Variants in CACNA1C observed in about 807,000 individuals in gnomAD.
CACNA1C encodes the protein voltage-dependent L-type calcium channel subunit alpha-1C.
In CACNA1C, 30 loss-of-function variants were observed where a neutral mutation model predicts 229.0. The observed-to-expected ratio is 0.13, with a 90% CI of 0.10 to 0.18. The LOEUF (loss-of-function observed/expected upper bound fraction) is 0.18, where lower values mean the gene tolerates loss of function less well. Ranked by LOEUF, CACNA1C falls within the 10% of genes least tolerant of loss-of-function variation. CACNA1C has a pLI of 1.00. For synonymous variants in CACNA1C, 1,114 were observed against 1,132.5 expected (o/e 0.98, Z 0.33); for missense variants, 1,658 against 2,845.0 (o/e 0.58, Z 9.49).
chr12:2,451,538 A>G (rs1342202591), intron 4 of CACNA1C, among the ~76,000 whole-genome samples: 1 of 152,204 alleles, frequency 6.6e-6, no homozygotes, highest in Non-Finnish European at 1.5e-5. Context: ...TCGGGGGAGC[A>G]GAGACAAGAA....
chr12:2,528,158 C>T (rs529219022), intron 9 of CACNA1C, among the ~76,000 whole-genome samples: 2 of 152,280 alleles, frequency 1.3e-5, no homozygotes, highest in South Asian at 4.2e-4. Flanking sequence ...TATACAGGAA[C>T]TAACAGGAGC....
intron 3 of CACNA1C, among the ~76,000 whole-genome samples, chr12:2,307,781 G>A (rs181274482): frequency 6.6e-6 from 1 of 152,318 alleles, no homozygotes; most frequent in African/African-American, 2.4e-5. Context: ...TATTGCTTAA[G>A]CCCACTTACA....
Position 2,261,689 on chromosome 12 carries a change from A to T in CACNA1C, c.477+141259A>T, listed in dbSNP as rs151067925. Reference sequence around the variant, plus strand: ...AGCACTATTTACTAGGAGATATAGCATCAGAGGTGGTTTTCTATACATATA... The same window carrying T: ...AGCACTATTTACTAGGAGATATAGCTTCAGAGGTGGTTTTCTATACATATA... On this transcript the variant is annotated intron_variant, in intron 3 of 46. Coordinates refer to ENST00000399655, the MANE Select transcript of CACNA1C (RefSeq NM_000719.7). Among the ~76,000 whole-genome samples, 376 of 152,322 alleles carry T rather than the reference A, an allele frequency of 2.5e-3. 3 individuals are homozygous for T. Among genetic ancestry groups the T allele is most frequent in the African/African-American group, 8.4e-3 (349 of 41,564 alleles).
intron 3 of CACNA1C, among the ~76,000 whole-genome samples, chr12:2,441,795 C>T (rs2099230051): frequency 6.6e-6 from 1 of 152,206 alleles, no homozygotes; most frequent in South Asian, 2.1e-4. Flanking sequence ...TGTGTATTCT[C>T]TGTCCACACT....
chr12:2,512,404 A>G lies in CACNA1C; in HGVS notation c.1218-408A>G, dbSNP rs750890117. On this transcript the variant is annotated intron_variant, in intron 8 of 46. Transcript: ENST00000399655. This position sits in a 1 kb window ranked among gnomAD's most constrained non-coding sequence, Gnocchi z 4.3. ...TGGGAGAATTTTAAACTACCACTCAATACTGGGTGGGATGGAAATGCATGT... is the reference window on the plus strand; with the variant it reads ...TGGGAGAATTTTAAACTACCACTCAGTACTGGGTGGGATGGAAATGCATGT... Among the ~76,000 whole-genome samples, 6 of 152,154 alleles carry G rather than the reference A, an allele frequency of 3.9e-5. No homozygotes were observed. The highest frequency in any genetic ancestry group is 8.8e-5 in the Non-Finnish European group (6 of 68,024).
chr12:2,292,114 T>A (rs906397566), intron 3 of CACNA1C, among the ~76,000 whole-genome samples: 2 of 152,224 alleles, frequency 1.3e-5, no homozygotes, highest in African/African-American at 4.8e-5. Flanking sequence ...CATGAAGCAC[T>A]ACTAAGTGCC....
intron 3 of CACNA1C, among the ~76,000 whole-genome samples, chr12:2,323,370 T>C (rs530083061): frequency 6.6e-6 from 1 of 152,298 alleles, no homozygotes; most frequent in South Asian, 2.1e-4. Context: ...CTAGATATGC[T>C]GGGGTTCACT....
intron 3 of CACNA1C, among the ~76,000 whole-genome samples, chr12:2,194,747 C>T (rs1289068856): frequency 6.6e-6 from 1 of 152,160 alleles, no homozygotes; most frequent in Admixed American, 6.5e-5. Flanking sequence ...AGGAACGTTT[C>T]TCCCCAAAGT....
At chr12:2,615,869 G>A (rs2080254050) in intron 29 of CACNA1C, among the ~76,000 whole-genome samples, 1 of 152,226 alleles carries the variant, frequency 6.6e-6, no homozygotes, top group Non-Finnish European at 1.5e-5. Context: ...TGCGCTCCAA[G>A]CTTCTCCTCC....
At chr12:2,621,674 G>C (rs945176998) in intron 29 of CACNA1C, among the ~76,000 whole-genome samples, 4 of 152,192 alleles carry the variant, frequency 2.6e-5, no homozygotes, top group East Asian at 1.9e-4. Flanking sequence ...ATGGAGCGAG[G>C]GGGGCAGAGT....
intron 9 of CACNA1C, among the ~76,000 whole-genome samples, chr12:2,538,106 C>A (rs1251681404): frequency 6.6e-6 from 1 of 152,140 alleles, no homozygotes; most frequent in Non-Finnish European, 1.5e-5. Context: ...ATCACAGTAA[C>A]CCTGGCTTTC....
At chr12:2,069,622 C>T (rs531066615) in intron 1 of CACNA1C, among the ~76,000 whole-genome samples, 3 of 152,130 alleles carry the variant, frequency 2.0e-5, no homozygotes, top group Non-Finnish European at 4.4e-5. Context: ...TTAATTTTCC[C>T]ATGTCTAGGA....
At chr12:2,291,425 T>G (rs2093492154) in intron 3 of CACNA1C, among the ~76,000 whole-genome samples, 1 of 152,218 alleles carries the variant, frequency 6.6e-6, no homozygotes, top group Non-Finnish European at 1.5e-5. Context: ...CTTTCTCGAC[T>G]GCTCTTTGGT....
At chr12:2,064,921 G>T (rs1012216429) in intron 1 of CACNA1C, among the ~76,000 whole-genome samples, 1 of 152,200 alleles carries the variant, frequency 6.6e-6, no homozygotes, top group Non-Finnish European at 1.5e-5. Context: ...AGAGACCTGG[G>T]TATGGATAAA....
chr12:2,440,504 C>T (rs976962757), intron 3 of CACNA1C, among the ~76,000 whole-genome samples: 11 of 146,000 alleles, frequency 7.5e-5, no homozygotes, highest in South Asian at 2.2e-4. Context: ...GGAAGGAAGG[C>T]TTCTTCATGG....
chr12:2,278,165 A>G (rs1321844708), intron 3 of CACNA1C, among the ~76,000 whole-genome samples: 3 of 152,256 alleles, frequency 2.0e-5, no homozygotes, highest in African/African-American at 4.8e-5. Context: ...CATATCTGCC[A>G]TTTATTTTTA....
chr12:2,591,598 C>T (rs1181928185), intron 18 of CACNA1C, among the ~76,000 whole-genome samples: 1 of 152,102 alleles, frequency 6.6e-6, no homozygotes, highest in Non-Finnish European at 1.5e-5. Flanking sequence ...GATTGGGGGT[C>T]CTTGTGTGCT....
rs577598466 is a variant in CACNA1C, at chr12:2,225,057, A to AG, written c.477+104629dup. 4.1e-3 allele frequency among the ~76,000 whole-genome samples: 632 copies of AG among 152,310 alleles called. 12 individuals are homozygous for AG. The highest frequency in any genetic ancestry group is 0.034 in the South Asian group (164 of 4,822). Reference sequence around the variant, plus strand: ...AACTTAAGAGTGTGAAGGCTTGTCAAGGCTCCATTTCTGGTTTGCTTTCTG... The same window carrying AG: ...AACTTAAGAGTGTGAAGGCTTGTCAAGGGCTCCATTTCTGGTTTGCTTTCTG... On this transcript the variant is annotated intron_variant, in intron 3 of 46. Transcript: ENST00000399655.
At chr12:2,357,461 C>T (rs575713779) in intron 3 of CACNA1C, among the ~76,000 whole-genome samples, 1 of 152,218 alleles carries the variant, frequency 6.6e-6, no homozygotes, top group Non-Finnish European at 1.5e-5. Context: ...TTCTTCTTTT[C>T]TCCCTAAGTG....
Sources: gnomAD v4.1 joint callset for allele counts (sites outside exome capture counted in the v4.1 genomes callset) on GRCh38, gnomAD v4.1.1 for gene constraint, Gnocchi (gnomAD v3.1) non-coding constraint, MANE v1.5 for transcripts, NCBI Gene and HGNC (gene_info 2026-07-23, HGNC 2026-07-21) for gene names.